The following FAM107A variants were observed in gnomAD, a reference collection of about 807,000 sequenced individuals.
FAM107A encodes the protein family with sequence similarity 107 member A, also known as actin-associated protein FAM107A.
FAM107A carries 19 observed loss-of-function variants against 13.7 expected under a neutral mutation model. The observed-to-expected ratio is 1.38, with a 90% confidence interval of 0.97 to 2.03. FAM107A has a LOEUF of 2.03. Among genes scored for constraint, FAM107A ranks in the 30% most tolerant of loss-of-function variants. FAM107A has a pLI of 0.00. For synonymous variants in FAM107A, 82 were observed against 74.5 expected (o/e 1.10, Z -0.52); for missense variants, 203 against 184.4 (o/e 1.10, Z -0.58).
At chr3:58,568,466 A>G (rs2063646575) in intron 2 of FAM107A, among the ~76,000 whole-genome samples, 1 of 152,132 alleles carries the variant, frequency 6.6e-6, no homozygotes, top group African/African-American at 2.4e-5. Flanking sequence ...GAAAAAAAAC[A>G]AGAGATCTGA....
chr3:58,621,991 T>A (rs938455724), intron 1 of FAM107A, among the ~76,000 whole-genome samples: 8 of 152,088 alleles, frequency 5.3e-5, no homozygotes, highest in African/African-American at 1.9e-4. Context: ...CCTAGCTCAG[T>A]GTCAGGTGGG....
chr3:58,610,858 C>A (rs368836166), intron 1 of FAM107A, among the ~76,000 whole-genome samples: 10 of 152,298 alleles, frequency 6.6e-5, no homozygotes, highest in African/African-American at 2.4e-4. Context: ...CTGGTCTGGG[C>A]TGCTGCAGAC....
intron 1 of FAM107A, among the ~76,000 whole-genome samples, chr3:58,609,981 A>G (rs2065837411): frequency 6.6e-6 from 1 of 152,244 alleles, no homozygotes; most frequent in Non-Finnish European, 1.5e-5. Flanking sequence ...GGAAGTGCAC[A>G]TTACTGACAA....
intron 1 of FAM107A, chr3:58,586,771 G>C: frequency 7.6e-7 from 1 of 1,313,998 alleles, no homozygotes; most frequent in Non-Finnish European, 9.9e-7. Flanking sequence ...GGCGCCCAGC[G>C]GCGGACTGGC....
Position 58,569,839 on chromosome 3 carries a change from C to G in FAM107A, c.22G>C (p.Glu8Gln). The change falls in exon 2 of 4, where the codon GAG becomes CAG. Residue 8 changes from glutamate (E) to glutamine (Q), a missense_variant. Physicochemically the swap from Glu to Gln is conservative, Grantham distance 29 (BLOSUM62 2). Coordinates refer to ENST00000360997, the MANE Select transcript of FAM107A (RefSeq NM_001076778.3). This position sits in a 1 kb window ranked among gnomAD's most constrained non-coding sequence, Gnocchi z 5.7. Reference protein sequence around the residue: MYSEIQRERADIGGLMAR... With the variant: MYSEIQRQRADIGGLMAR... ...ATCAGGCCCCCAATGTCTGCCCGCTCCCTCTGGATCTCCGAGTACATGGCG... is the reference window on the plus strand; with the variant it reads ...ATCAGGCCCCCAATGTCTGCCCGCTGCCTCTGGATCTCCGAGTACATGGCG... 6.2e-7 allele frequency: 1 copy of G among 1,614,068 alleles called. No homozygotes were observed. The highest frequency in any genetic ancestry group is 8.5e-7 in the Non-Finnish European group (1 of 1,179,986).
intron 1 of FAM107A, among the ~76,000 whole-genome samples, chr3:58,586,504 C>G (rs1310834772): frequency 6.6e-6 from 1 of 151,852 alleles, no homozygotes; most frequent in African/African-American, 2.4e-5. Context: ...CTGGGCAGCA[C>G]TAGGGAGAAC....
At chr3:58,587,393 G>T (rs781240086), upstream of FAM107A, among the ~76,000 whole-genome samples, 1 of 151,994 alleles carries the variant, frequency 6.6e-6, no homozygotes, top group Non-Finnish European at 1.5e-5. Context: ...ACCTAACCTC[G>T]CAGAAACTCA....
intron 1 of FAM107A, among the ~76,000 whole-genome samples, chr3:58,572,265 G>A (rs1458649782): frequency 1.3e-5 from 2 of 152,090 alleles, no homozygotes; most frequent in East Asian, 1.9e-4. Flanking sequence ...AGATCCCGGC[G>A]CTCACAGAAC....
At position 58,617,145 on chromosome 3, in the gene FAM107A, G is replaced by C. The variant is rs2065909994; in HGVS notation, c.-70+10271C>G. 6.6e-6 allele frequency among the ~76,000 whole-genome samples: 1 copy of C among 152,156 alleles called. No homozygotes were observed. The highest frequency in any genetic ancestry group is 2.4e-5 in the African/African-American group (1 of 41,422). Reference sequence around the variant, plus strand: ...CTGTGTCACTTCACAGTGCCTGCTTGTGATGGCAGAGTCAGCATGGGACCT... The same window carrying C: ...CTGTGTCACTTCACAGTGCCTGCTTCTGATGGCAGAGTCAGCATGGGACCT... On this transcript the variant is annotated intron_variant, in intron 1 of 3. Coordinates refer to the FAM107A transcript ENST00000465970. The surrounding 1 kb of genome is among the most constrained non-coding windows in gnomAD (Gnocchi z 4.5).
At position 58,611,229 on chromosome 3, in the gene FAM107A, C is replaced by G. The variant is rs191432208; in HGVS notation, c.-70+16187G>C. Among the ~76,000 whole-genome samples the G allele has an allele frequency of 1.1e-3, 163 of 151,918 alleles. 1 individual carries two copies. The highest frequency in any genetic ancestry group is 2.2e-3 in the Non-Finnish European group (147 of 67,990). On this transcript the variant is annotated intron_variant, in intron 1 of 3. Coordinates refer to the FAM107A transcript ENST00000465970. ...AGTCTCTGGTATCTCTTCATAGCAG[C>G]ATGAGAATGAACTAATACAAGCTCC...
chr3:58,575,921 G>A (rs2108050512), intron 1 of FAM107A, among the ~76,000 whole-genome samples: 1 of 152,346 alleles, frequency 6.6e-6, no homozygotes. Flanking sequence ...AAGCTGCTGG[G>A]TTCCGAACAC....
At chr3:58,594,916 C>G (rs2065685379) in intron 1 of FAM107A, among the ~76,000 whole-genome samples, 1 of 152,158 alleles carries the variant, frequency 6.6e-6, no homozygotes, top group African/African-American at 2.4e-5. Flanking sequence ...ATTGGATGTC[C>G]TGGGTCCTTC....
At chr3:58,626,967 C>T in intron 1 of FAM107A, 1 of 1,535,934 alleles carries the variant, frequency 6.5e-7, no homozygotes, top group Admixed American at 2.0e-5. Flanking sequence ...TTAGAGGTTC[C>T]TACCTTCTTC....
intron 1 of FAM107A, among the ~76,000 whole-genome samples, chr3:58,586,583 G>A (rs1321281698): frequency 6.6e-6 from 1 of 152,074 alleles, no homozygotes; most frequent in Non-Finnish European, 1.5e-5. Flanking sequence ...CAGCTACTCG[G>A]GAGGCTGAGG....
At chr3:58,615,635 C>T (rs2065894303) in intron 1 of FAM107A, among the ~76,000 whole-genome samples, 1 of 152,118 alleles carries the variant, frequency 6.6e-6, no homozygotes, top group Non-Finnish European at 1.5e-5. Flanking sequence ...GTGCCTTATG[C>T]CTGTAATCCC....
chr3:58,616,755 A>G (rs1452203888), intron 1 of FAM107A, among the ~76,000 whole-genome samples: 2 of 152,074 alleles, frequency 1.3e-5, no homozygotes, highest in Non-Finnish European at 2.9e-5. Flanking sequence ...GTGCGAGAAT[A>G]AACTGTTGTT....
upstream of FAM107A, among the ~76,000 whole-genome samples, chr3:58,580,733 CTG>C (rs1328600023): frequency 6.6e-6 from 1 of 152,058 alleles, no homozygotes; most frequent in Non-Finnish European, 1.5e-5. Context: ...ACATACCTCT[CTG>C]GGGGCTCATT....
At chr3:58,583,540 T>G (rs2065570712) in intron 1 of FAM107A, among the ~76,000 whole-genome samples, 1 of 151,782 alleles carries the variant, frequency 6.6e-6, no homozygotes, top group Admixed American at 6.6e-5. Context: ...GAGAGTTGCT[T>G]GAACTCGGGA....
chr3:58,610,785 A>G (rs1170480329), intron 1 of FAM107A, among the ~76,000 whole-genome samples: 1 of 152,184 alleles, frequency 6.6e-6, no homozygotes, highest in Admixed American at 6.5e-5. Context: ...GGTTAACCTC[A>G]AGGAAACTCT....
Sources: allele counts gnomAD v4.1 joint callset (sites outside exome capture counted in the v4.1 genomes callset), GRCh38; gene constraint gnomAD v4.1.1; non-coding constraint Gnocchi (gnomAD v3.1); transcripts MANE v1.5; gene names NCBI Gene and HGNC (gene_info 2026-07-23, HGNC 2026-07-21).